Variants in LEPR observed in about 807,000 individuals in gnomAD.
LEPR encodes OB receptor.
A neutral mutation model predicts 114.7 loss-of-function variants in LEPR; 56 were observed. The observed-to-expected ratio is 0.49, with a 90% confidence interval of 0.39 to 0.61. The LOEUF (loss-of-function observed/expected upper bound fraction) is 0.61, where lower values mean the gene tolerates loss of function less well. Ranked by LOEUF, LEPR falls within the 20% of genes least tolerant of loss-of-function variation. The probability of loss-of-function intolerance (pLI) is 0.00; values close to 1 mark genes in which losing one functional copy is unlikely to be tolerated. For synonymous variants in LEPR, 443 were observed against 461.4 expected (o/e 0.96, Z 0.51); for missense variants, 1,202 against 1,352.9 (o/e 0.89, Z 1.75).
chr1:65,592,981 A>G (rs1655811406), intron 6 of LEPR, 116 bp downstream of exon 6: 4 of 1,155,744 alleles, frequency 3.5e-6, no homozygotes, highest in Non-Finnish European at 3.7e-6. Flanking sequence ...CACTGTAATG[A>G]TGGTAGATGT....
chr1:65,606,297 A>C (rs1240804051), intron 11 of LEPR, among the ~76,000 whole-genome samples: 1 of 152,236 alleles, frequency 6.6e-6, no homozygotes, highest in African/African-American at 2.4e-5. Context: ...CACTCCCCCA[A>C]ACATGCACAG....
chr1:65,590,831 C>A (rs1037192011), intron 5 of LEPR, among the ~76,000 whole-genome samples: 6 of 149,994 alleles, frequency 4.0e-5, no homozygotes, highest in Non-Finnish European at 7.4e-5. Context: ...TCATTATATT[C>A]TGATTTGATA....
intron 11 of LEPR, among the ~76,000 whole-genome samples, chr1:65,607,168 C>T (rs1656867422): frequency 6.6e-6 from 1 of 152,174 alleles, no homozygotes; most frequent in East Asian, 1.9e-4. Flanking sequence ...CTACATTTGG[C>T]CTTAGTTATG....
chr1:65,473,671 C>T (rs780344865), intron 2 of LEPR, among the ~76,000 whole-genome samples: 22 of 152,186 alleles, frequency 1.4e-4, no homozygotes, highest in African/African-American at 5.3e-4. Flanking sequence ...CAGTTTCTCA[C>T]TTACAATGTG....
chr1:65,565,428 C>T (rs1653666216), intron 2 of LEPR, 118 bp from the exon 3 acceptor site: 1 of 928,472 alleles, frequency 1.1e-6, no homozygotes, highest in South Asian at 1.6e-5. Context: ...TCTAGAGTAT[C>T]ACATGTAAAT....
chr1:65,437,668 T>C (rs931900461), intron 2 of LEPR, among the ~76,000 whole-genome samples: 3 of 151,792 alleles, frequency 2.0e-5, no homozygotes, highest in African/African-American at 7.3e-5. Context: ...TATTTCAGTG[T>C]AAGTAGAAAA....
chr1:65,566,619 ATTAAAG>A (rs1200839511), intron 3 of LEPR, among the ~76,000 whole-genome samples: 2 of 152,240 alleles, frequency 1.3e-5, no homozygotes, highest in Admixed American at 6.5e-5. Flanking sequence ...AGTTTTTGAA[ATTAAAG>A]TTAGAGTATC....
intron 11 of LEPR, among the ~76,000 whole-genome samples, chr1:65,606,015 G>A (rs1375487518): frequency 6.6e-6 from 1 of 152,078 alleles, no homozygotes; most frequent in Non-Finnish European, 1.5e-5. Context: ...TAGGAAACAT[G>A]TTAGAATAAT....
At chr1:65,573,786 T>C (rs1654381232) in intron 5 of LEPR, among the ~76,000 whole-genome samples, 1 of 152,138 alleles carries the variant, frequency 6.6e-6, no homozygotes, top group South Asian at 2.1e-4. Context: ...GTTTAATGGA[T>C]ATAAAGTTTC....
intron 19 of LEPR, 143 bp from the exon 20 acceptor site, chr1:65,636,048 G>A (rs1488335036): frequency 4.5e-6 from 4 of 886,606 alleles, no homozygotes; most frequent in South Asian, 3.2e-5. Context: ...TTTGATATAT[G>A]TATTTTAGTC....
intron 2 of LEPR, among the ~76,000 whole-genome samples, chr1:65,456,482 T>G (rs1646878083): frequency 6.6e-6 from 1 of 152,166 alleles, no homozygotes; most frequent in South Asian, 2.1e-4. Flanking sequence ...TTGCCTCTCA[T>G]TTTAATGTAT....
At chr1:65,457,966 C>T (rs1459370924) in intron 2 of LEPR, among the ~76,000 whole-genome samples, 2 of 152,156 alleles carry the variant, frequency 1.3e-5, no homozygotes, top group Non-Finnish European at 2.9e-5. Context: ...ATCTTGAGTA[C>T]ACTTGAGTTA....
intron 19 of LEPR, among the ~76,000 whole-genome samples, chr1:65,623,649 A>C (rs1236728874): frequency 6.6e-6 from 1 of 152,202 alleles, no homozygotes; most frequent in Non-Finnish European, 1.5e-5. Context: ...CAGTCAAGTC[A>C]AAATATACAG....
intron 12 of LEPR, among the ~76,000 whole-genome samples, chr1:65,609,226 A>G (rs1194732228): frequency 1.3e-5 from 2 of 152,246 alleles, no homozygotes; most frequent in Non-Finnish European, 2.9e-5. Context: ...TACATATTCA[A>G]GGTTTGGAGA....
chr1:65,544,713 CATATAA>C (rs902852232), intron 2 of LEPR, among the ~76,000 whole-genome samples: 12 of 146,362 alleles, frequency 8.2e-5, no homozygotes, highest in African/African-American at 3.1e-4. Context: ...TTTTTTTTTG[CATATAA>C]ATATAATAGA....
intron 5 of LEPR, 123 bp from the exon 6 acceptor site, chr1:65,592,532 TCA>T: frequency 2.1e-6 from 2 of 962,710 alleles, no homozygotes; most frequent in East Asian, 2.6e-5. Flanking sequence ...TTTTTTTTTT[TCA>T]GATACCCTTT....
intron 2 of LEPR, among the ~76,000 whole-genome samples, chr1:65,460,035 C>T (rs917038912): frequency 6.6e-5 from 10 of 150,616 alleles, no homozygotes; most frequent in South Asian, 2.1e-4. Flanking sequence ...GTTTTCTTCA[C>T]GGTACTTATC....
intron 2 of LEPR, among the ~76,000 whole-genome samples, chr1:65,503,388 TATG>T (rs1243373447): frequency 6.6e-6 from 1 of 152,120 alleles, no homozygotes; most frequent in Non-Finnish European, 1.5e-5. Flanking sequence ...GCTACAAACA[TATG>T]ATAAAACCTC....
Position 65,544,192 on chromosome 1 carries a change from T to C in LEPR, c.-20-21354T>C, listed in dbSNP as rs191303753. Among the ~76,000 whole-genome samples the C allele has an allele frequency of 4.2e-4, 64 of 151,788 alleles. No individual in the cohort carries two copies. In the East Asian group the frequency reaches 7.3e-3, roughly 17 times the overall value. On this transcript the variant is annotated intron_variant, in intron 2 of 19. Transcript: ENST00000349533. ...GAAGAGGTCATTAGGTATTTTATTC[T>C]CTTTGTAGCAATTGTGAATGGGAGT...
Sources: gnomAD v4.1 joint callset for allele counts (sites outside exome capture counted in the v4.1 genomes callset) on GRCh38, gnomAD v4.1.1 for gene constraint, MANE v1.5 for transcripts, NCBI Gene and HGNC (gene_info 2026-07-23, HGNC 2026-07-21) for gene names.